RALGAPA2: variants seen among roughly 807,000 people sequenced by gnomAD.
RALGAPA2 encodes ral GTPase-activating protein subunit alpha-2.
Under a neutral mutation model 230.4 loss-of-function variants are expected in RALGAPA2, and 139 were observed. The ratio of observed to expected loss-of-function variants is 0.60; its 90% CI spans 0.53 to 0.69. The LOEUF (loss-of-function observed/expected upper bound fraction) is 0.69. Among genes scored for constraint, RALGAPA2 ranks in the 30% least tolerant of loss-of-function variants. The probability of loss-of-function intolerance (pLI) is 0.00; values close to 1 mark genes in which losing one functional copy is unlikely to be tolerated. For synonymous variants in RALGAPA2, 847 were observed against 837.8 expected, an observed-to-expected ratio of 1.01 and a Z score of -0.19; for missense variants, 2,163 against 2,276.0, an observed-to-expected ratio of 0.95 and a Z score of 1.01.
At chr20:20,516,923 G>C (rs1332046361) in intron 31 of RALGAPA2, among the ~76,000 whole-genome samples, 1 of 152,228 alleles carries the variant, frequency 6.6e-6, no homozygotes, top group African/African-American at 2.4e-5. Flanking sequence ...CCGGTTGGAA[G>C]TCTCCTGCAG....
chr20:20,655,074 T>C lies in RALGAPA2; in HGVS notation c.271-1487A>G, dbSNP rs535157379. 4.6e-5 allele frequency among the ~76,000 whole-genome samples: 7 copies of C among 152,324 alleles called. No homozygotes were observed. In the South Asian group the frequency reaches 1.5e-3, roughly 32 times the overall value. ...TTTGAGAAAGTCTATTCAAGTCACC[T>C]TATCTTTCAAGCCCATAACTCTCAA... On this transcript the variant is annotated intron_variant, in intron 3 of 39. Transcript: ENST00000202677.
In RALGAPA2 at chr20:20,639,720, G is replaced by C. The variant is rs1029241354; in HGVS notation, c.666+65C>G. The C allele has an allele frequency of 3.1e-5, 34 of 1,095,686 alleles. No homozygotes were observed. The Admixed American group carries it at 6.3e-4, about 20-fold the overall frequency. 67.9% of individuals were successfully genotyped at this position (1,095,686 alleles called of 1,614,324 possible). ...AATATAGATACACAGAGGGAAAAGA[G>C]GCAATATTTCCTCTTCCTGCTGAGA... On this transcript the variant is annotated intron_variant, in intron 7 of 39. Transcript: ENST00000202677.
intron 37 of RALGAPA2, among the ~76,000 whole-genome samples, chr20:20,436,378 C>A (rs577162733): frequency 6.6e-6 from 1 of 152,226 alleles, no homozygotes; most frequent in African/African-American, 2.4e-5. Context: ...AATACCATCC[C>A]TACCAGATAA....
At chr20:20,660,405 G>T (rs2067735318) in intron 3 of RALGAPA2, among the ~76,000 whole-genome samples, 1 of 152,146 alleles carries the variant, frequency 6.6e-6, no homozygotes, top group African/African-American at 2.4e-5. Context: ...CTGTCTGAGA[G>T]ATCAGATTTG....
chr20:20,470,073 A>G (rs1042040974), intron 37 of RALGAPA2, among the ~76,000 whole-genome samples: 9 of 151,946 alleles, frequency 5.9e-5, no homozygotes, highest in Admixed American at 4.6e-4. Context: ...ATATAAGACA[A>G]TGGTATTTTT....
intron 33 of RALGAPA2, 88 bp from the exon 34 acceptor site, chr20:20,505,622 C>G: frequency 8.5e-7 from 1 of 1,183,362 alleles, no homozygotes; most frequent in Non-Finnish European, 1.2e-6. Context: ...TGACTTCTAC[C>G]ACTGAGCTTA....
intron 32 of RALGAPA2, among the ~76,000 whole-genome samples, chr20:20,512,269 A>ACACACACACACACACAC (rs1569454681): frequency 6.6e-6 from 1 of 151,688 alleles, no homozygotes. Flanking sequence ...ACACACACAC[A>ACACACACACACACACAC]AATGTTTGAT....
chr20:20,676,679 A>G (rs2068334198), intron 2 of RALGAPA2, among the ~76,000 whole-genome samples: 2 of 152,240 alleles, frequency 1.3e-5, no homozygotes, highest in African/African-American at 2.4e-5. Flanking sequence ...TAAAAGTAGT[A>G]TATCTTTTGG....
intron 13 of RALGAPA2, among the ~76,000 whole-genome samples, chr20:20,614,726 T>C (rs1286047179): frequency 6.6e-6 from 1 of 152,200 alleles, no homozygotes; most frequent in Non-Finnish European, 1.5e-5. Flanking sequence ...AGAACAAGAA[T>C]TGGACTTGGT....
At chr20:20,570,544 G>A (rs1181793199) in intron 23 of RALGAPA2, among the ~76,000 whole-genome samples, 2 of 152,114 alleles carry the variant, frequency 1.3e-5, no homozygotes, top group African/African-American at 4.8e-5. Flanking sequence ...TATTGGTTAA[G>A]AAAACCTAGT....
At chr20:20,609,407 G>A (rs1029418314) in intron 14 of RALGAPA2, among the ~76,000 whole-genome samples, 1 of 152,050 alleles carries the variant, frequency 6.6e-6, no homozygotes, top group African/African-American at 2.4e-5. Flanking sequence ...TAAGTTTCAG[G>A]GAAGTCAGGT....
chr20:20,528,274 T>C (rs561351026), intron 27 of RALGAPA2, among the ~76,000 whole-genome samples: 2 of 151,982 alleles, frequency 1.3e-5, no homozygotes, highest in African/African-American at 4.8e-5. Flanking sequence ...ACCAACAGAG[T>C]GCCATGCTGA....
At chr20:20,433,816 C>T (rs928655626) in intron 37 of RALGAPA2, among the ~76,000 whole-genome samples, 1 of 152,182 alleles carries the variant, frequency 6.6e-6, no homozygotes, top group Non-Finnish European at 1.5e-5. Flanking sequence ...CACCACACAA[C>T]AGACAAGTGC....
chr20:20,689,697 CAA>C (rs1603246896), intron 1 of RALGAPA2, among the ~76,000 whole-genome samples: 1 of 152,184 alleles, frequency 6.6e-6, no homozygotes. Context: ...TTCCTCCTCT[CAA>C]TTAAAGTGAG....
chr20:20,412,039 G>C lies in RALGAPA2; in HGVS notation c.5605C>G (p.Leu1869Val). 6.2e-7 allele frequency: 1 copy of C among 1,614,002 alleles called. No homozygotes were observed. Among genetic ancestry groups the C allele is most frequent in the Non-Finnish European group, 8.5e-7 (1 of 1,179,876 alleles). The change falls in exon 38 of 40, where the codon CTC becomes GTC. Residue 1869 changes from leucine to valine, a missense_variant. Leu to Val is a conservative substitution (Grantham distance 32). Coordinates refer to ENST00000202677, the MANE Select transcript of RALGAPA2 (RefSeq NM_020343.4). ...QVFSPSPSYS[L>V]SGTD ...TGTAGACACTCACCCGTTCCGCTGA[G>C]GGAGTAGCTGGGAGAGGGAGAAAAG... is the stretch of plus-strand genomic sequence containing the variant.
intron 1 of RALGAPA2, among the ~76,000 whole-genome samples, chr20:20,693,652 T>C (rs144023164): frequency 1.5e-3 from 225 of 152,254 alleles, no homozygotes; most frequent in African/African-American, 5.2e-3. Context: ...TTAACAGTAA[T>C]AACAGCTCAC....
intron 16 of RALGAPA2, among the ~76,000 whole-genome samples, chr20:20,596,169 C>T (rs1014592603): frequency 1.3e-5 from 2 of 152,280 alleles, no homozygotes; most frequent in South Asian, 2.1e-4. Flanking sequence ...AGAATATGAA[C>T]AACCCACCCA....
intron 23 of RALGAPA2, among the ~76,000 whole-genome samples, chr20:20,562,408 T>C (rs1331360688): frequency 1.3e-5 from 2 of 152,142 alleles, no homozygotes; most frequent in Non-Finnish European, 2.9e-5. Flanking sequence ...TATCACACGG[T>C]AACAGTTTAC....
intron 14 of RALGAPA2, among the ~76,000 whole-genome samples, chr20:20,609,614 C>T (rs565656665): frequency 6.6e-6 from 1 of 152,284 alleles, no homozygotes; most frequent in East Asian, 1.9e-4. Context: ...AATTCCAACA[C>T]ACAAAACAGA....
Sources: allele counts gnomAD v4.1 joint callset (sites outside exome capture counted in the v4.1 genomes callset), GRCh38; gene constraint gnomAD v4.1.1; transcripts MANE v1.5; gene names NCBI Gene and HGNC (gene_info 2026-07-23, HGNC 2026-07-21).